The following ETS2 variants were observed in gnomAD, a reference collection of about 807,000 sequenced individuals.
The protein encoded by ETS2 is protein C-ets-2.
In ETS2, 19 loss-of-function variants were observed where a neutral mutation model predicts 54.9. That is an observed-to-expected ratio of 0.35 (90% CI 0.24 to 0.51). ETS2 has a LOEUF of 0.51. Ranked by LOEUF, ETS2 falls within the 20% of genes least tolerant of loss-of-function variation. ETS2 has a pLI of 0.97. For missense variants in ETS2, 417 were observed against 593.0 expected (o/e 0.70, Z 3.08); for synonymous variants, 219 against 229.3 (o/e 0.95, Z 0.41).
intron 8 of ETS2, among the ~76,000 whole-genome samples, chr21:38,820,179 A>G (rs888509765): frequency 2.6e-5 from 4 of 152,154 alleles, no homozygotes; most frequent in Admixed American, 6.5e-5. Context: ...TCTAAAATCT[A>G]TCTGCTCTTA....
chr21:38,805,386 C>T (rs2060887253), upstream of ETS2: 4 of 1,288,888 alleles, frequency 3.1e-6, no homozygotes, highest in Non-Finnish European at 4.0e-6. This position sits in a 1 kb window ranked among gnomAD's most constrained non-coding sequence, Gnocchi z 5.2. Context: ...TACCCAAGCC[C>T]GGCTGCCCTT....
intron 2 of ETS2, among the ~76,000 whole-genome samples, chr21:38,811,663 A>C (rs1249298660): frequency 6.6e-6 from 1 of 152,230 alleles, no homozygotes; most frequent in Non-Finnish European, 1.5e-5. Flanking sequence ...AATGAGTCTT[A>C]CATTAAAAGG....
chr21:38,815,805 TGGC>T, intron 5 of ETS2, among the ~76,000 whole-genome samples: 1 of 150,640 alleles, frequency 6.6e-6, no homozygotes, highest in South Asian at 2.1e-4. Flanking sequence ...CTGGGCATAG[TGGC>T]ACATGCCTGT....
rs987113130 is a variant in ETS2, at chr21:38,806,968, T to TC, written c.-1+852dup. On this transcript the variant is annotated intron_variant, in intron 1 of 9. Coordinates refer to ENST00000360938, the MANE Select transcript of ETS2 (RefSeq NM_005239.6). The surrounding 1 kb of genome is among the most constrained non-coding windows in gnomAD (Gnocchi z 4.3). The stretch of plus-strand genomic sequence containing the variant: ...ATTTAGAAAGTAAAGAAATGAGCAG[T>TC]CCCCTTTGGAGACAGGAGTAATTTA... Among the ~76,000 whole-genome samples, 3 of 152,198 alleles carry TC rather than the reference T, an allele frequency of 2.0e-5. No individual in the cohort carries two copies. The highest frequency in any genetic ancestry group is 7.2e-5 in the African/African-American group (3 of 41,440).
In ETS2 at chr21:38,821,195, G is replaced by A. The variant is rs1383932501; in HGVS notation, c.1076-391G>A. Among the ~76,000 whole-genome samples, 5 of 152,044 alleles carry A rather than the reference G, an allele frequency of 3.3e-5. No individual in the cohort carries two copies. The highest frequency in any genetic ancestry group is 3.3e-4 in the Admixed American group (5 of 15,262). ...AGCCACCCCCATCTCTGCCCCACTG[G>A]GTGTTTCTAGAAAAAAACCTTGAAG... On this transcript the variant is annotated intron_variant, in intron 8 of 9. Coordinates refer to ENST00000360938, the MANE Select transcript of ETS2 (RefSeq NM_005239.6). The surrounding 1 kb of genome is among the most constrained non-coding windows in gnomAD (Gnocchi z 4.2).
Position 38,821,672 on chromosome 21 carries a change from G to A in ETS2, c.1162G>A (p.Gly388Arg), listed in dbSNP as rs116387099. The A allele has an allele frequency of 4.5e-4, 730 of 1,614,044 alleles. No homozygotes were observed. The highest frequency in any genetic ancestry group is 5.5e-4 in the Non-Finnish European group (644 of 1,179,912). ...CQSFISWTGD[G>R]WEFKLADPDE... Reference sequence around the variant, plus strand: ...GTCATTCATCAGCTGGACTGGAGACGGATGGGAGTTTAAGCTCGCCGACCC... The same window carrying A: ...GTCATTCATCAGCTGGACTGGAGACAGATGGGAGTTTAAGCTCGCCGACCC... Residue 388 changes from glycine to arginine, a missense_variant, in exon 9 of 10, where the codon GGA becomes AGA. Physicochemically the swap from Gly to Arg is moderately radical, Grantham distance 125. Coordinates refer to ENST00000360938, the MANE Select transcript of ETS2 (RefSeq NM_005239.6). The surrounding 1 kb of genome is among the most constrained non-coding windows in gnomAD (Gnocchi z 4.2).
In ETS2 at chr21:38,806,825, T is replaced by TTG. The variant is rs2060895158; in HGVS notation, c.-1+713_-1+714dup. ...AATGAAGAGGTAACTGAGTGTTTGCTTGTGTGTGTTTGGGTTGCGTGTGTG... is the reference window on the plus strand; with the variant it reads ...AATGAAGAGGTAACTGAGTGTTTGCTTGTGTGTGTGTTTGGGTTGCGTGTGTG... On this transcript the variant is annotated intron_variant, in intron 1 of 9. Coordinates refer to ENST00000360938, the MANE Select transcript of ETS2 (RefSeq NM_005239.6). This position sits in a 1 kb window ranked among gnomAD's most constrained non-coding sequence, Gnocchi z 4.3. 9.1e-6 allele frequency: 9 copies of TTG among 985,368 alleles called. No homozygotes were observed. The South Asian group carries it at 4.2e-4, about 46-fold the overall frequency. 61.0% of individuals were successfully genotyped at this position (985,368 alleles called of 1,614,324 possible). A position where few individuals can be genotyped will look rare whatever the true frequency, so the allele number is the denominator to read the frequency against.
chr21:38,819,331 T>C (rs1332302878), intron 7 of ETS2, among the ~76,000 whole-genome samples, 172 bp from the exon 8 acceptor site: 1 of 152,184 alleles, frequency 6.6e-6, no homozygotes, highest in Non-Finnish European at 1.5e-5. Flanking sequence ...ATTTGTGTAG[T>C]ATAGTTACCC....
Position 38,806,337 on chromosome 21 carries a change from T to A in ETS2, c.-1+217T>A. On this transcript the variant is annotated intron_variant, in intron 1 of 9. Coordinates refer to ENST00000360938, the MANE Select transcript of ETS2 (RefSeq NM_005239.6). This position sits in a 1 kb window ranked among gnomAD's most constrained non-coding sequence, Gnocchi z 4.3. ...CCGGTTATGGAGTGGCCTCCGGGGCTGGCGGGGTCGGCCGGGGGGTTCCTG... is the reference window on the plus strand; with the variant it reads ...CCGGTTATGGAGTGGCCTCCGGGGCAGGCGGGGTCGGCCGGGGGGTTCCTG... 2.1e-6 allele frequency: 2 copies of A among 967,614 alleles called. No homozygotes were observed. Among genetic ancestry groups the A allele is most frequent in the Non-Finnish European group, 2.5e-6 (2 of 814,530 alleles). The allele number at this position is 967,614 out of a possible 1,614,324, so 59.9% of individuals were successfully genotyped here.
At position 38,822,912 on chromosome 21, in the gene ETS2, C is replaced by T. The variant is rs541032626; in HGVS notation, c.*23C>T. The T allele has an allele frequency of 7.2e-6, 11 of 1,528,438 alleles. No individual in the cohort carries two copies. The South Asian group carries it at 7.6e-5, about 11-fold the overall frequency. The allele number at this position is 1,528,438 out of a possible 1,614,324, so 94.7% of individuals were successfully genotyped here. A position where few individuals can be genotyped will look rare whatever the true frequency, so the allele number is the denominator to read the frequency against. ...TGAGGTCGCCGGGACCACCCTGAGC[C>T]GGCCCCAGGCTCGTGGACTGAGTGG... On this transcript the variant is annotated 3_prime_UTR_variant, in exon 10 of 10. Coordinates refer to ENST00000360938, the MANE Select transcript of ETS2 (RefSeq NM_005239.6).
At chr21:38,805,923 C>G (rs1316843646), upstream of ETS2, 10 of 1,248,376 alleles carry the variant, frequency 8.0e-6, no homozygotes, top group South Asian at 1.2e-4. The surrounding 1 kb of genome is among the most constrained non-coding windows in gnomAD (Gnocchi z 5.2). Context: ...GCGTGGGGGA[C>G]GGCCCGGTTA....
chr21:38,818,320 G>C, intron 6 of ETS2, 105 bp from the exon 7 acceptor site: 1 of 1,499,734 alleles, frequency 6.7e-7, no homozygotes, highest in Non-Finnish European at 9.1e-7. Context: ...AGGTTCTGCA[G>C]AGGGCTGGAG....
Position 38,818,296 on chromosome 21 carries a change from C to G in ETS2, c.590-129C>G, listed in dbSNP as rs8134490. 14,276 of 1,252,156 alleles carry G rather than the reference C, an allele frequency of 0.011. 943 individuals carry two copies. In the African/African-American group the frequency reaches 0.16, roughly 14 times the overall value. The allele number at this position is 1,252,156 out of a possible 1,614,324, so 77.6% of individuals were successfully genotyped here. On this transcript the variant is annotated intron_variant, in intron 6 of 9. Coordinates refer to ENST00000360938, the MANE Select transcript of ETS2 (RefSeq NM_005239.6). ...CCTGGTGACAGACCCCCACCAAAGC[C>G]CGGGTCTCCACTGAGGTTCTGCAGA... is the stretch of plus-strand genomic sequence containing the variant.
chr21:38,810,692 C>T (rs922506993), intron 2 of ETS2, among the ~76,000 whole-genome samples: 3 of 152,206 alleles, frequency 2.0e-5, no homozygotes, highest in African/African-American at 7.2e-5. Context: ...TCTTTAGTAG[C>T]ACAAACTGGT....
At chr21:38,820,017 G>A (rs1384390482) in intron 8 of ETS2, among the ~76,000 whole-genome samples, 9 of 152,192 alleles carry the variant, frequency 5.9e-5, no homozygotes, top group South Asian at 2.1e-4. Flanking sequence ...CACCTGGGAC[G>A]TTCTGAGGAA....
In ETS2 at chr21:38,819,064, C is replaced by T. The variant is rs138088077; in HGVS notation, c.811+418C>T. On this transcript the variant is annotated intron_variant, in intron 7 of 9. Coordinates refer to ENST00000360938, the MANE Select transcript of ETS2 (RefSeq NM_005239.6). Reference sequence around the variant, plus strand: ...TTTCCAGTAGCCTGGAAGATTCCTTCGTACCCCTTCCCATCAATAATGTCC... The same window carrying T: ...TTTCCAGTAGCCTGGAAGATTCCTTTGTACCCCTTCCCATCAATAATGTCC... Among the ~76,000 whole-genome samples, 151 of 152,294 alleles carry T rather than the reference C, an allele frequency of 9.9e-4. 4 individuals carry two copies. The highest frequency in any genetic ancestry group is 3.5e-3 in the African/African-American group (145 of 41,558).
At chr21:38,807,990 C>G (rs1450395149) in intron 1 of ETS2, among the ~76,000 whole-genome samples, 1 of 152,188 alleles carries the variant, frequency 6.6e-6, no homozygotes, top group Admixed American at 6.5e-5. Flanking sequence ...AGGAGCATTT[C>G]ACATTGGAAG....
chr21:38,818,273 TG>T, intron 6 of ETS2, 151 bp from the exon 7 acceptor site: 1 of 950,848 alleles, frequency 1.1e-6, no homozygotes, highest in South Asian at 1.6e-5. Context: ...GAAGAAGGCC[TG>T]GTGACAGACC....
At chr21:38,812,982 T>C (rs1394192495) in intron 2 of ETS2, 21 bp from the exon 3 acceptor site, 2 of 1,542,818 alleles carry the variant, frequency 1.3e-6, no homozygotes, top group African/African-American at 2.7e-5. Flanking sequence ...ATTTCCATTT[T>C]TTTTCCATCT....
Sources: gnomAD v4.1 joint callset for allele counts (sites outside exome capture counted in the v4.1 genomes callset) on GRCh38, gnomAD v4.1.1 for gene constraint, Gnocchi (gnomAD v3.1) non-coding constraint, MANE v1.5 for transcripts, NCBI Gene and HGNC (gene_info 2026-07-23, HGNC 2026-07-21) for gene names.